Variants in KIAA1328 observed in about 807,000 individuals in gnomAD.
KIAA1328 encodes KIAA1328.
In KIAA1328, 52 loss-of-function variants were observed where a neutral mutation model predicts 68.1. The ratio of observed to expected loss-of-function variants is 0.76; its 90% CI spans 0.61 to 0.96. KIAA1328 has a LOEUF of 0.96. KIAA1328 is among the 40% of genes least tolerant of loss of function. The pLI, the probability that KIAA1328 is intolerant of heterozygous loss-of-function variation, is 0.00. For missense variants in KIAA1328, 641 were observed against 677.6 expected (o/e 0.95, Z 0.60); for synonymous variants, 232 against 239.4 (o/e 0.97, Z 0.28).
chr18:36,975,766 T>G (rs2052447516), intron 6 of KIAA1328, among the ~76,000 whole-genome samples: 1 of 152,206 alleles, frequency 6.6e-6, no homozygotes, highest in Non-Finnish European at 1.5e-5. Flanking sequence ...CCCTTAATTG[T>G]TAAAGCTTTT....
intron 7 of KIAA1328, among the ~76,000 whole-genome samples, chr18:37,080,960 G>T (rs1455948550): frequency 3.3e-5 from 5 of 151,468 alleles, no homozygotes; most frequent in African/African-American, 1.2e-4. Flanking sequence ...GAGAAACAGA[G>T]ACTCAAGACA....
At chr18:36,862,865 T>C (rs1000455432) in intron 4 of KIAA1328, among the ~76,000 whole-genome samples, 2 of 152,158 alleles carry the variant, frequency 1.3e-5, no homozygotes, top group African/African-American at 4.8e-5. Flanking sequence ...GGTAGGTGCT[T>C]AGGGATATCC....
At position 36,861,924 on chromosome 18, in the gene KIAA1328, C is replaced by T. The variant is rs145592690; in HGVS notation, c.332+17622C>T. Reference sequence around the variant, plus strand: ...GGCTCACACCATCTACCAGCCTTGGCCCCCAAAAAGTGCTGGGATTGCAGG... The same window carrying T: ...GGCTCACACCATCTACCAGCCTTGGTCCCCAAAAAGTGCTGGGATTGCAGG... On this transcript the variant is annotated intron_variant, in intron 4 of 9. Transcript: ENST00000280020. Among the ~76,000 whole-genome samples, 52 of 152,232 alleles carry T rather than the reference C, an allele frequency of 3.4e-4. No homozygotes were observed. In the East Asian group the frequency reaches 9.6e-3, roughly 28 times the overall value.
intron 5 of KIAA1328, among the ~76,000 whole-genome samples, chr18:36,929,469 A>G (rs12955441): frequency 0.073 from 11,015 of 151,528 alleles, 550 homozygotes; most frequent in Middle Eastern, 0.12. Context: ...GAATTTCTCT[A>G]GTGGTGGGCT....
At chr18:37,036,735 T>G (rs1460672473) in intron 6 of KIAA1328, among the ~76,000 whole-genome samples, 1 of 152,206 alleles carries the variant, frequency 6.6e-6, no homozygotes, top group Non-Finnish European at 1.5e-5. Context: ...CAGCTTTGTG[T>G]TGTTTACATG....
In KIAA1328 at chr18:37,092,415, G is replaced by C. The variant is rs138377187; in HGVS notation, c.1232+24870G>C. ...GAAGCCAGTGCCCACATGTACCACTGTGAGTCCTGCAGTCTTATTCTGCTT... is the reference window on the plus strand; with the variant it reads ...GAAGCCAGTGCCCACATGTACCACTCTGAGTCCTGCAGTCTTATTCTGCTT... On this transcript the variant is annotated intron_variant, in intron 7 of 9. Transcript: ENST00000280020. Among the ~76,000 whole-genome samples, 35 of 152,094 alleles carry C rather than the reference G, an allele frequency of 2.3e-4. No homozygotes were observed. The East Asian group carries it at 5.3e-3, about 23-fold the overall frequency.
At chr18:36,950,689 A>G (rs556205968) in intron 5 of KIAA1328, among the ~76,000 whole-genome samples, 8 of 152,298 alleles carry the variant, frequency 5.3e-5, no homozygotes, top group Admixed American at 6.5e-5. Context: ...ATGATATGCT[A>G]TCTTAATATA....
At chr18:37,109,101 C>T (rs1212803958) in intron 7 of KIAA1328, among the ~76,000 whole-genome samples, 1 of 152,244 alleles carries the variant, frequency 6.6e-6, no homozygotes, top group Admixed American at 6.5e-5. Flanking sequence ...GTGCAAAGCA[C>T]ATGAACTCAT....
intron 5 of KIAA1328, among the ~76,000 whole-genome samples, chr18:36,911,793 G>A (rs1408605670): frequency 6.6e-6 from 1 of 152,058 alleles, no homozygotes; most frequent in African/African-American, 2.4e-5. Context: ...TAACAGCTTC[G>A]ACCTTATACA....
intron 6 of KIAA1328, among the ~76,000 whole-genome samples, chr18:37,035,335 C>G (rs192596985): frequency 6.6e-6 from 1 of 152,304 alleles, no homozygotes; most frequent in Admixed American, 6.5e-5. Context: ...AGGCCCTACT[C>G]CATACCTACT....
chr18:37,193,727 T>G, intron 9 of KIAA1328: 1 of 647,028 alleles, frequency 1.5e-6, no homozygotes, highest in Non-Finnish European at 2.8e-6. Context: ...AAATACTCAC[T>G]TGTGAGAAAC....
intron 4 of KIAA1328, among the ~76,000 whole-genome samples, chr18:36,846,631 C>G (rs1293586654): frequency 3.3e-5 from 5 of 151,498 alleles, no homozygotes; most frequent in African/African-American, 9.7e-5. Flanking sequence ...TCCCCTTTCT[C>G]CCCCATCCCA....
chr18:37,185,769 A>G (rs1446851451), intron 9 of KIAA1328, among the ~76,000 whole-genome samples: 14 of 151,884 alleles, frequency 9.2e-5, no homozygotes, highest in Admixed American at 8.5e-4. Context: ...CACTTTTAAT[A>G]TATTTAACAT....
intron 6 of KIAA1328, among the ~76,000 whole-genome samples, chr18:37,021,884 C>T (rs761701868): frequency 1.3e-5 from 2 of 151,720 alleles, no homozygotes; most frequent in Non-Finnish European, 2.9e-5. Context: ...CAAAAAAATA[C>T]AAAAAATTAG....
intron 8 of KIAA1328, among the ~76,000 whole-genome samples, chr18:37,164,374 A>T (rs893846533): frequency 1.3e-5 from 2 of 152,182 alleles, no homozygotes; most frequent in Non-Finnish European, 2.9e-5. Context: ...TTTTAAGCAA[A>T]ATATATGTTT....
At chr18:37,200,920 A>G (rs2060100783) in intron 9 of KIAA1328, among the ~76,000 whole-genome samples, 1 of 152,110 alleles carries the variant, frequency 6.6e-6, no homozygotes, top group East Asian at 1.9e-4. Flanking sequence ...TTGATCAAAA[A>G]TCTTTCTTCT....
At chr18:37,092,363 C>T (rs2057291316) in intron 7 of KIAA1328, among the ~76,000 whole-genome samples, 1 of 152,018 alleles carries the variant, frequency 6.6e-6, no homozygotes, top group South Asian at 2.1e-4. Flanking sequence ...CATTTGTCAG[C>T]CTGTGTATTG....
chr18:37,047,169 A>G (rs749384639), intron 6 of KIAA1328, among the ~76,000 whole-genome samples: 3 of 152,234 alleles, frequency 2.0e-5, no homozygotes, highest in Admixed American at 1.3e-4. Context: ...ATTGTTCAAT[A>G]TAACTTGCAG....
At chr18:36,861,501 C>CAACT (rs1192714655) in intron 4 of KIAA1328, among the ~76,000 whole-genome samples, 21 of 152,184 alleles carry the variant, frequency 1.4e-4, no homozygotes, top group Non-Finnish European at 1.5e-5. Flanking sequence ...AACTTGCCTG[C>CAACT]AACTATTACA....
Sources: allele counts gnomAD v4.1 joint callset (sites outside exome capture counted in the v4.1 genomes callset), GRCh38; gene constraint gnomAD v4.1.1; transcripts MANE v1.5; gene names NCBI Gene and HGNC (gene_info 2026-07-23, HGNC 2026-07-21).